PLXNA4: variants seen among roughly 807,000 people sequenced by gnomAD.
PLXNA4 encodes the protein plexin A4, also known as plexin-A4.
PLXNA4 carries 44 observed loss-of-function variants against 191.8 expected under a neutral mutation model. The observed-to-expected ratio is 0.23, with a 90% CI of 0.18 to 0.29. The LOEUF (loss-of-function observed/expected upper bound fraction) is 0.29. Among genes scored for constraint, PLXNA4 ranks in the 10% least tolerant of loss-of-function variants. The pLI, the probability that PLXNA4 is intolerant of heterozygous loss-of-function variation, is 1.00. For synonymous variants in PLXNA4, 1,082 were observed against 1,009.5 expected (o/e 1.07, Z -1.36); for missense variants, 1,800 against 2,488.8 (o/e 0.72, Z 5.89).
chr7:132,391,414 A>G (rs1219105811), intron 3 of PLXNA4, among the ~76,000 whole-genome samples: 1 of 152,188 alleles, frequency 6.6e-6, no homozygotes, highest in Non-Finnish European at 1.5e-5. Context: ...ATATGTTCTA[A>G]TTACTTCTCT....
intron 3 of PLXNA4, among the ~76,000 whole-genome samples, chr7:132,475,358 A>G (rs1408690769): frequency 2.0e-5 from 3 of 152,134 alleles, no homozygotes; most frequent in Non-Finnish European, 4.4e-5. Flanking sequence ...GCCCATACTC[A>G]CATGTGTTCA....
At chr7:132,612,645 CAGAA>C (rs981880970) in intron 2 of PLXNA4, among the ~76,000 whole-genome samples, 4 of 119,842 alleles carry the variant, frequency 3.3e-5, no homozygotes, top group East Asian at 4.8e-4. Context: ...GCCTGGGCAA[CAGAA>C]AGAGTCTCCA....
At chr7:132,152,176 C>T (rs1795665795) in intron 25 of PLXNA4, among the ~76,000 whole-genome samples, 1 of 152,164 alleles carries the variant, frequency 6.6e-6, no homozygotes, top group African/African-American at 2.4e-5. Context: ...AAGCAGGGGC[C>T]AGGAAAAGCC....
chr7:132,371,279 T>C (rs954911517), intron 3 of PLXNA4, among the ~76,000 whole-genome samples: 1 of 152,088 alleles, frequency 6.6e-6, no homozygotes, highest in African/African-American at 2.4e-5. Context: ...GACTGGGCTG[T>C]TTGGGTGGGC....
chr7:132,179,411 C>CACACACAAACAT (rs111283885), intron 20 of PLXNA4, among the ~76,000 whole-genome samples: 13,644 of 147,392 alleles, frequency 0.093, 1,334 homozygotes, highest in African/African-American at 0.25. Context: ...CAGATGCGCA[C>CACACACAAACAT]GCACACAGAC....
At chr7:132,280,124 C>T (rs1800425323) in intron 4 of PLXNA4, among the ~76,000 whole-genome samples, 1 of 152,074 alleles carries the variant, frequency 6.6e-6, no homozygotes, top group African/African-American at 2.4e-5. Flanking sequence ...ATTTCATGAC[C>T]CACTAAATTG....
intron 1 of PLXNA4, among the ~76,000 whole-genome samples, chr7:132,540,778 G>C (rs563815358): frequency 1.3e-5 from 2 of 150,810 alleles, no homozygotes; most frequent in African/African-American, 4.9e-5. Flanking sequence ...TAGTAGAGAC[G>C]GTGTTTCACC....
At chr7:132,571,381 C>T (rs1290094075) in intron 1 of PLXNA4, among the ~76,000 whole-genome samples, 1 of 152,198 alleles carries the variant, frequency 6.6e-6, no homozygotes, top group African/African-American at 2.4e-5. Flanking sequence ...CTGACATGGT[C>T]CGTTGGCACC....
At chr7:132,349,698 G>A (rs552762590) in intron 3 of PLXNA4, among the ~76,000 whole-genome samples, 43 of 152,214 alleles carry the variant, frequency 2.8e-4, no homozygotes, top group African/African-American at 8.7e-4. Context: ...ATCAGGAACA[G>A]CTGGTCACTC....
At chr7:132,403,470 G>A (rs150500993) in intron 3 of PLXNA4, among the ~76,000 whole-genome samples, 1 of 152,304 alleles carries the variant, frequency 6.6e-6, no homozygotes, top group South Asian at 2.1e-4. Flanking sequence ...TAAAGATCAC[G>A]GGGTAACCCT....
intron 2 of PLXNA4, among the ~76,000 whole-genome samples, chr7:132,597,033 C>T (rs1286602616): frequency 1.3e-5 from 2 of 152,194 alleles, no homozygotes; most frequent in African/African-American, 4.8e-5. Flanking sequence ...CATGCATAGT[C>T]TGCTAAAGTC....
intron 3 of PLXNA4, among the ~76,000 whole-genome samples, chr7:132,323,030 T>C (rs1267285093): frequency 6.6e-6 from 1 of 152,174 alleles, no homozygotes; most frequent in Non-Finnish European, 1.5e-5. Flanking sequence ...TATTCTCCTT[T>C]AGCACAGATG....
intron 9 of PLXNA4, among the ~76,000 whole-genome samples, chr7:132,219,157 A>G (rs1798062293): frequency 6.6e-6 from 1 of 152,216 alleles, no homozygotes; most frequent in South Asian, 2.1e-4. Context: ...GTAAAAGGAA[A>G]TGAAAACCCC....
At chr7:132,262,958 T>A (rs1799706997) in intron 4 of PLXNA4, among the ~76,000 whole-genome samples, 1 of 152,102 alleles carries the variant, frequency 6.6e-6, no homozygotes, top group South Asian at 2.1e-4. Flanking sequence ...AAATAGTGGG[T>A]GGCTCAGTGG....
intron 1 of PLXNA4, among the ~76,000 whole-genome samples, chr7:132,529,623 T>TTTTTTTTA (rs1799545994): frequency 2.0e-5 from 3 of 151,160 alleles, no homozygotes; most frequent in Admixed American, 6.6e-5. Context: ...TTTTTTTTTT[T>TTTTTTTTA]GAGACGGAGT....
intron 3 of PLXNA4, among the ~76,000 whole-genome samples, chr7:132,391,325 T>G (rs972293539): frequency 6.6e-6 from 1 of 152,204 alleles, no homozygotes; most frequent in Non-Finnish European, 1.5e-5. Context: ...ATCTCCCCCA[T>G]AGTGACTGGC....
At chr7:132,435,407 C>T (rs994040128) in intron 3 of PLXNA4, among the ~76,000 whole-genome samples, 1 of 152,080 alleles carries the variant, frequency 6.6e-6, no homozygotes, top group Non-Finnish European at 1.5e-5. Context: ...TAATCGGCCC[C>T]GTGGATGGAG....
At position 132,202,769 on chromosome 7, in the gene PLXNA4, G is replaced by A. The variant is rs769546204; in HGVS notation, c.2463C>T (p.Phe821=). ...CGLCLKADPD[F]ACGWCQGPGQ... ...CTGGGCCCTGGCACCAGCCACATGC[G>A]AAGTCTGGGTCAGCCTTGAGGCACA... Residue 821 remains phenylalanine (F), a synonymous_variant, in exon 12 of 32, where the codon TTC becomes TTT. Coordinates refer to ENST00000321063, the MANE Select transcript of PLXNA4 (RefSeq NM_020911.2). 2.4e-5 allele frequency: 38 copies of A among 1,611,914 alleles called. No homozygotes were observed. The highest frequency in any genetic ancestry group is 8.0e-5 in the African/African-American group (6 of 74,906).
At chr7:132,627,357 A>G (rs972093965) in intron 2 of PLXNA4, among the ~76,000 whole-genome samples, 1 of 152,222 alleles carries the variant, frequency 6.6e-6, no homozygotes, top group Non-Finnish European at 1.5e-5. Context: ...TGAGATTCTT[A>G]TATCACAATT....
Sources: allele counts gnomAD v4.1 joint callset (sites outside exome capture counted in the v4.1 genomes callset), GRCh38; gene constraint gnomAD v4.1.1; transcripts MANE v1.5; gene names NCBI Gene and HGNC (gene_info 2026-07-23, HGNC 2026-07-21).